The following IQCE variants were observed in gnomAD, a reference collection of about 807,000 sequenced individuals.
IQCE encodes IQ motif containing E, also known as IQ domain-containing protein E.
Under a neutral mutation model 96.0 loss-of-function variants are expected in IQCE, and 115 were observed. That is an observed-to-expected ratio of 1.20 (90% CI 1.03 to 1.40). The LOEUF (loss-of-function observed/expected upper bound fraction) is 1.40. IQCE is among the 40% of genes most tolerant of loss of function. The probability of loss-of-function intolerance (pLI) is 0.00; values close to 1 mark genes in which losing one functional copy is unlikely to be tolerated. For synonymous variants in IQCE, 412 were observed against 371.2 expected (o/e 1.11, Z -1.26); for missense variants, 1,041 against 909.1 (o/e 1.15, Z -1.87).
chr7:2,565,786 G>A (rs1781327007), intron 1 of IQCE, among the ~76,000 whole-genome samples: 1 of 152,084 alleles, frequency 6.6e-6, no homozygotes, highest in African/African-American at 2.4e-5. Context: ...ACCTTAAATA[G>A]GTGATATAAA....
At chr7:2,593,154 G>C (rs1783743606) in intron 15 of IQCE, 28 bp downstream of exon 15, 4 of 1,591,080 alleles carry the variant, frequency 2.5e-6, no homozygotes, top group Non-Finnish European at 3.4e-6. Context: ...GGGCTGGAGA[G>C]GACCCAGGCG....
At chr7:2,569,128 C>A in intron 3 of IQCE, 129 bp downstream of exon 3, 2 of 830,934 alleles carry the variant, frequency 2.4e-6, no homozygotes, top group Non-Finnish European at 3.9e-6. Flanking sequence ...GCCCCATTCC[C>A]ACTGGGGTCT....
chr7:2,597,425 C>A (rs1030675609), intron 16 of IQCE, among the ~76,000 whole-genome samples: 2 of 152,256 alleles, frequency 1.3e-5, no homozygotes, highest in East Asian at 3.9e-4. Context: ...CGTTAACACA[C>A]AGAAAATGAA....
intron 1 of IQCE, among the ~76,000 whole-genome samples, chr7:2,566,181 A>G (rs1387433123): frequency 6.6e-6 from 1 of 152,178 alleles, no homozygotes; most frequent in East Asian, 1.9e-4. Flanking sequence ...CCGCATTGGA[A>G]AGCACCAATA....
At chr7:2,583,554 G>C in intron 9 of IQCE, 83 bp from the exon 10 acceptor site, 2 of 1,058,684 alleles carry the variant, frequency 1.9e-6, no homozygotes, top group African/African-American at 1.6e-5. Context: ...CTCCTCTTCT[G>C]AACGTTCTGG....
Position 2,571,644 on chromosome 7 carries a change from C to G in IQCE, c.249C>G (p.Thr83=). 2 of 1,599,604 alleles carry G rather than the reference C, an allele frequency of 1.3e-6. No homozygotes were observed. Among genetic ancestry groups the G allele is most frequent in the Non-Finnish European group, 1.7e-6 (2 of 1,179,850 alleles). ...SLTPQKLWLG[T]AKPGSLTQAL... is the part of the protein sequence containing the mutation. The stretch of plus-strand genomic sequence containing the variant: ...CCCCGCAGAAGCTGTGGCTGGGAAC[C>G]GCAAAGCCAGGTATGTGGTTGTCGC... The change falls in exon 4 of 22, where the codon ACC becomes ACG. Residue 83 remains threonine (T), a synonymous_variant. Coordinates refer to ENST00000402050, the MANE Select transcript of IQCE (RefSeq NM_152558.5).
chr7:2,576,492 C>A (rs1782132704), intron 6 of IQCE, among the ~76,000 whole-genome samples: 1 of 151,834 alleles, frequency 6.6e-6, no homozygotes, highest in Non-Finnish European at 1.5e-5. Context: ...CTTACTGCAC[C>A]CTGCCCCTCC....
chr7:2,572,341 G>A lies in IQCE; in HGVS notation c.394+15G>A. The stretch of plus-strand genomic sequence containing the variant: ...TGCCAGCAACGGTGAGCATGCCGAT[G>A]GTGGCGAGGCTGAGGCCAAGGAAGA... On this transcript the variant is annotated intron_variant, in intron 5 of 21. Coordinates refer to ENST00000402050, the MANE Select transcript of IQCE (RefSeq NM_152558.5). 1.2e-6 allele frequency: 2 copies of A among 1,612,736 alleles called. No homozygotes were observed. Among genetic ancestry groups the A allele is most frequent in the East Asian group, 2.2e-5 (1 of 44,870 alleles).
intron 18 of IQCE, among the ~76,000 whole-genome samples, chr7:2,603,420 G>A (rs1320702311): frequency 6.6e-6 from 1 of 152,174 alleles, no homozygotes; most frequent in East Asian, 1.9e-4. Context: ...GAGGGGATCC[G>A]GGCTCCTTGT....
In IQCE at chr7:2,593,101, AG is replaced by A; in HGVS notation, c.1326del (p.Arg443GlufsTer7). ...LECAREGEEERREREEVLREE... is the reference protein window; with the variant it reads ...LECAREGEEEXREREEVLREE... Reference sequence around the variant, plus strand: ...GTGCGCGAGGGAGGGCGAGGAGGAGAGGAGAGAGCGAGAGGAGGTTTTGAGG... The same window carrying A: ...GTGCGCGAGGGAGGGCGAGGAGGAGAGAGAGAGCGAGAGGAGGTTTTGAGG... On this transcript the variant is annotated frameshift_variant, in exon 15 of 22. Transcript: ENST00000402050. LOFTEE classifies it high-confidence loss of function. 1 of 1,612,416 alleles carries A rather than the reference AG, an allele frequency of 6.2e-7. No individual in the cohort carries two copies. The highest frequency in any genetic ancestry group is 8.5e-7 in the Non-Finnish European group (1 of 1,178,730).
chr7:2,594,395 T>C (rs1783855832), intron 15 of IQCE, among the ~76,000 whole-genome samples: 1 of 152,240 alleles, frequency 6.6e-6, no homozygotes, highest in Admixed American at 6.5e-5. Flanking sequence ...CTTTAGTACC[T>C]GGAATGAATA....
intron 19 of IQCE, among the ~76,000 whole-genome samples, 170 bp downstream of exon 19, chr7:2,605,161 C>T (rs1019815031): frequency 6.6e-6 from 1 of 152,236 alleles, no homozygotes; most frequent in Non-Finnish European, 1.5e-5. Flanking sequence ...CTTCTCTGCG[C>T]AGGCCCCTCT....
intron 15 of IQCE, among the ~76,000 whole-genome samples, chr7:2,594,133 G>C (rs962839695): frequency 6.6e-6 from 1 of 152,180 alleles, no homozygotes; most frequent in African/African-American, 2.4e-5. Flanking sequence ...AGTGACAGGT[G>C]CCTGTAATCC....
rs1784787928 is a variant in IQCE, at chr7:2,605,940, A to G, written c.1808A>G (p.Glu603Gly). The G allele has an allele frequency of 6.2e-7, 1 of 1,611,336 alleles. No homozygotes were observed. The highest frequency in any genetic ancestry group is 1.3e-5 in the African/African-American group (1 of 74,966). ...AQATGSPVQE[E>G]AIVIIQSALR... is the part of the protein sequence containing the mutation. ...GCCACGGGCAGCCCTGTGCAGGAGG[A>G]GGCCATCGTCATCATCCAGTCCGCT... is the stretch of plus-strand genomic sequence containing the variant. Residue 603 changes from glutamate (E) to glycine (G), a missense_variant, in exon 20 of 22, where the codon GAG becomes GGG. Physicochemically the swap from Glu to Gly is moderately conservative, Grantham distance 98 (BLOSUM62 -2). Transcript: ENST00000402050.
chr7:2,593,807 A>G lies in IQCE; in HGVS notation c.1349+681A>G, dbSNP rs547589739. Among the ~76,000 whole-genome samples, 9 of 152,364 alleles carry G rather than the reference A, an allele frequency of 5.9e-5. No individual in the cohort carries two copies. In the South Asian group the frequency reaches 1.7e-3, roughly 28 times the overall value. ...AATTAGAGAGGGGTGGTAGCTGCACAGCATTGTGAAGATGCTAGAATTCAC... is the reference window on the plus strand; with the variant it reads ...AATTAGAGAGGGGTGGTAGCTGCACGGCATTGTGAAGATGCTAGAATTCAC... On this transcript the variant is annotated intron_variant, in intron 15 of 21. Coordinates refer to ENST00000402050, the MANE Select transcript of IQCE (RefSeq NM_152558.5).
intron 1 of IQCE, among the ~76,000 whole-genome samples, chr7:2,561,642 C>T (rs1037220791): frequency 6.6e-6 from 1 of 151,628 alleles, no homozygotes; most frequent in African/African-American, 2.4e-5. Flanking sequence ...AGGATGGTCT[C>T]GATCTCCTGA....
intron 12 of IQCE, among the ~76,000 whole-genome samples, chr7:2,587,511 C>T (rs1218384147): frequency 6.6e-6 from 1 of 152,146 alleles, no homozygotes; most frequent in Admixed American, 6.5e-5. Flanking sequence ...TTGGATTTGG[C>T]AGACTGACAG....
At chr7:2,595,804 C>T (rs7793340) in intron 16 of IQCE, among the ~76,000 whole-genome samples, 23,866 of 148,626 alleles carry the variant, frequency 0.16, 2,166 homozygotes, top group African/African-American at 0.25. Flanking sequence ...TGGAGGGTCG[C>T]AGCCATGCTC....
At chr7:2,598,434 A>G (rs1583494381) in intron 16 of IQCE, 31 bp from the exon 17 acceptor site, 2 of 1,537,462 alleles carry the variant, frequency 1.3e-6, no homozygotes, top group African/African-American at 1.4e-5. Flanking sequence ...CCCTGGCTTC[A>G]TTGTCCTCTT....
Sources: gnomAD v4.1 joint callset for allele counts (sites outside exome capture counted in the v4.1 genomes callset) on GRCh38, gnomAD v4.1.1 for gene constraint, MANE v1.5 for transcripts, NCBI Gene and HGNC (gene_info 2026-07-23, HGNC 2026-07-21) for gene names.